EPS15: variants seen among roughly 807,000 people sequenced by gnomAD.
EPS15 encodes epidermal growth factor receptor pathway substrate 15, also known as epidermal growth factor receptor substrate 15.
In EPS15, 72 loss-of-function variants were observed where a neutral mutation model predicts 113.8. The ratio of observed to expected loss-of-function variants is 0.63; its 90% confidence interval spans 0.52 to 0.77. The LOEUF (loss-of-function observed/expected upper bound fraction) is 0.77. Among genes scored for constraint, EPS15 ranks in the 30% least tolerant of loss-of-function variants. EPS15 has a pLI of 0.00. For synonymous variants in EPS15, 344 were observed against 363.4 expected, an observed-to-expected ratio of 0.95 and a Z score of 0.61; for missense variants, 1,048 against 1,045.8, an observed-to-expected ratio of 1.00 and a Z score of -0.03.
At chr1:51,442,013 C>T (rs999086981) in intron 11 of EPS15, among the ~76,000 whole-genome samples, 3 of 152,092 alleles carry the variant, frequency 2.0e-5, no homozygotes, top group Non-Finnish European at 4.4e-5. Context: ...ACTATCAGTA[C>T]CAAAACTCAT....
chr1:51,369,023 C>CCTTTTCTCTGT (rs71578068), intron 21 of EPS15, among the ~76,000 whole-genome samples: 8,774 of 152,224 alleles, frequency 0.058, 341 homozygotes, highest in Non-Finnish European at 0.086. Flanking sequence ...TTGCTTCATG[C>CCTTTTCTCTGT]CTTTTCTCTG....
chr1:51,476,517 T>C (rs139911801), intron 2 of EPS15, among the ~76,000 whole-genome samples: 4,870 of 152,290 alleles, frequency 0.032, 125 homozygotes, highest in Non-Finnish European at 0.05. Flanking sequence ...GATGGTATTT[T>C]GTATTTCTGT....
At chr1:51,431,597 C>G (rs1188082963) in intron 12 of EPS15, among the ~76,000 whole-genome samples, 3 of 151,898 alleles carry the variant, frequency 2.0e-5, no homozygotes, top group African/African-American at 7.3e-5. Flanking sequence ...AGGTGTGCAC[C>G]ACCACGCCCG....
At chr1:51,410,978 G>A (rs1649665116) in intron 13 of EPS15, among the ~76,000 whole-genome samples, 1 of 152,164 alleles carries the variant, frequency 6.6e-6, no homozygotes, top group African/African-American at 2.4e-5. Context: ...GAAAACTGAA[G>A]TACTGATGTG....
chr1:51,453,717 T>C (rs1432493422), intron 8 of EPS15, among the ~76,000 whole-genome samples: 1 of 151,692 alleles, frequency 6.6e-6, no homozygotes, highest in Non-Finnish European at 1.5e-5. Flanking sequence ...AAGAGGGGAT[T>C]TAATTTTACT....
chr1:51,517,235 A>T (rs1165251980), intron 1 of EPS15, among the ~76,000 whole-genome samples: 2 of 152,192 alleles, frequency 1.3e-5, no homozygotes, highest in Admixed American at 1.3e-4. Flanking sequence ...ACTTATTTGA[A>T]TTATCAATAA....
intron 6 of EPS15, among the ~76,000 whole-genome samples, chr1:51,464,602 ATTTC>A (rs1654716413): frequency 6.6e-6 from 1 of 152,184 alleles, no homozygotes; most frequent in South Asian, 2.1e-4. Context: ...CCAAAGCAAT[ATTTC>A]TTTTTCTTGT....
chr1:51,517,826 G>A (rs1303455058), intron 1 of EPS15, among the ~76,000 whole-genome samples: 1 of 152,078 alleles, frequency 6.6e-6, no homozygotes, highest in Non-Finnish European at 1.5e-5. Flanking sequence ...TGCAAACACG[G>A]GTTAGTTATT....
At chr1:51,508,261 AG>A (rs1644542227) in intron 1 of EPS15, among the ~76,000 whole-genome samples, 1 of 137,490 alleles carries the variant, frequency 7.3e-6, no homozygotes, top group Non-Finnish European at 1.5e-5. Flanking sequence ...AGAGAGAGAG[AG>A]AGAGAGAGAG....
At chr1:51,473,329 G>C (rs1200970895) in intron 2 of EPS15, among the ~76,000 whole-genome samples, 2 of 152,176 alleles carry the variant, frequency 1.3e-5, no homozygotes, top group Admixed American at 6.5e-5. Context: ...TGACAAATGG[G>C]AATAGTTGCA....
chr1:51,502,342 T>TA lies in EPS15; in HGVS notation c.33+16856dup, dbSNP rs199805035. 3.5e-3 allele frequency among the ~76,000 whole-genome samples: 534 copies of TA among 152,240 alleles called. 2 individuals are homozygous for TA. Among genetic ancestry groups the TA allele is most frequent in the African/African-American group, 0.012 (495 of 41,530 alleles). ...GCAAATAAAAATAAATAAATACTTTTAAAAAAACCCTTTCAAATAACACTA... is the reference window on the plus strand; with the variant it reads ...GCAAATAAAAATAAATAAATACTTTTAAAAAAAACCCTTTCAAATAACACTA... On this transcript the variant is annotated intron_variant, in intron 1 of 24. Coordinates refer to ENST00000371733, the MANE Select transcript of EPS15 (RefSeq NM_001981.3).
intron 4 of EPS15, among the ~76,000 whole-genome samples, chr1:51,471,219 T>C (rs1288250732): frequency 6.6e-6 from 1 of 152,190 alleles, no homozygotes; most frequent in Non-Finnish European, 1.5e-5. Flanking sequence ...CCCTTGGCCA[T>C]AACCACTTTT....
At chr1:51,500,946 T>G (rs1168633206) in intron 1 of EPS15, among the ~76,000 whole-genome samples, 1 of 149,568 alleles carries the variant, frequency 6.7e-6, no homozygotes, top group East Asian at 2.0e-4. Flanking sequence ...ATCGAGCCAC[T>G]GCACTCCAGC....
intron 3 of EPS15, 84 bp downstream of exon 3, chr1:51,472,775 G>GC: frequency 1.0e-6 from 1 of 985,176 alleles, no homozygotes; most frequent in South Asian, 1.5e-5. Flanking sequence ...TTTCTTGATG[G>GC]CATCTTTCTA....
At chr1:51,395,857 A>T (rs996657845) in intron 20 of EPS15, among the ~76,000 whole-genome samples, 1 of 152,232 alleles carries the variant, frequency 6.6e-6, no homozygotes, top group Admixed American at 6.5e-5. Context: ...ATGCATGATT[A>T]TCAATGTCAT....
intron 1 of EPS15, 70 bp from the exon 2 acceptor site, chr1:51,481,384 C>A: frequency 2.7e-6 from 2 of 752,352 alleles, no homozygotes; most frequent in Non-Finnish European, 4.8e-6. Flanking sequence ...GGCATTCATT[C>A]AACAGATATT....
In EPS15 at chr1:51,448,104, T is replaced by C; in HGVS notation, c.593A>G (p.Lys198Arg). ...AGGCAAGGACATTGGCACAGGTTCT[T>C]TCTCCAGTGCACAGTATACCAAAAA... ...AMFLVYCALE[K>R]EPVPMSLPPA... The change falls in exon 9 of 25, where the codon AAA (lysine) becomes AGA (arginine). Residue 198 changes from lysine (K) to arginine (R), a missense_variant. Physicochemically the swap from Lys to Arg is conservative, Grantham distance 26 (BLOSUM62 2). Coordinates refer to ENST00000371733, the MANE Select transcript of EPS15 (RefSeq NM_001981.3). 1 of 1,613,678 alleles carries C rather than the reference T, an allele frequency of 6.2e-7. No homozygotes were observed. Among genetic ancestry groups the C allele is most frequent in the East Asian group, 2.2e-5 (1 of 44,866 alleles).
At chr1:51,452,402 C>T (rs1653649524) in intron 8 of EPS15, among the ~76,000 whole-genome samples, 1 of 152,168 alleles carries the variant, frequency 6.6e-6, no homozygotes, top group Non-Finnish European at 1.5e-5. Context: ...CTCACCTCAG[C>T]TTCCCAAGTA....
intron 2 of EPS15, among the ~76,000 whole-genome samples, chr1:51,480,627 C>T (rs181716144): frequency 7.3e-4 from 111 of 152,318 alleles, no homozygotes; most frequent in Middle Eastern, 3.4e-3. Context: ...GATTCTCCTG[C>T]CTTAGCCTCC....
Sources: gnomAD v4.1 joint callset for allele counts (sites outside exome capture counted in the v4.1 genomes callset) on GRCh38, gnomAD v4.1.1 for gene constraint, MANE v1.5 for transcripts, NCBI Gene and HGNC (gene_info 2026-07-23, HGNC 2026-07-21) for gene names.